RALYL: variants seen among roughly 807,000 people sequenced by gnomAD.
RALYL encodes RALY RNA binding protein like.
RALYL carries 29 observed loss-of-function variants against 35.1 expected under a neutral mutation model. That is an observed-to-expected ratio of 0.83 (90% confidence interval 0.61 to 1.13). The LOEUF is 1.13. RALYL is among the 50% of genes most tolerant of loss of function. The probability of loss-of-function intolerance (pLI) is 0.00; values close to 1 mark genes in which losing one functional copy is unlikely to be tolerated. For synonymous variants in RALYL, 120 were observed against 127.6 expected, an observed-to-expected ratio of 0.94 and a Z score of 0.40; for missense variants, 359 against 360.4, an observed-to-expected ratio of 1.00 and a Z score of 0.03.
intron 1 of RALYL, among the ~76,000 whole-genome samples, chr8:84,522,777 C>A (rs545521622): frequency 3.9e-5 from 6 of 152,210 alleles, no homozygotes; most frequent in African/African-American, 1.4e-4. Context: ...CTTTCTTAGT[C>A]ATTTTTGCCT....
intron 2 of RALYL, among the ~76,000 whole-genome samples, chr8:84,720,889 G>A (rs1038920324): frequency 4.6e-5 from 7 of 151,894 alleles, no homozygotes; most frequent in Admixed American, 4.6e-4. Context: ...TGAAAAAATT[G>A]TCAGCATCAC....
At chr8:84,448,274 C>T (rs568293304) in intron 1 of RALYL, among the ~76,000 whole-genome samples, 2 of 152,014 alleles carry the variant, frequency 1.3e-5, no homozygotes, top group East Asian at 3.9e-4. Flanking sequence ...GGTGTACAAG[C>T]ATGAATGAGT....
intron 4 of RALYL, among the ~76,000 whole-genome samples, chr8:84,809,518 C>CTTCT (rs1825427433): frequency 6.6e-6 from 1 of 152,080 alleles, no homozygotes; most frequent in African/African-American, 2.4e-5. Flanking sequence ...GGGAGGGTTT[C>CTTCT]TTCTTTCTCT....
At chr8:84,608,184 C>T (rs989826087) in intron 2 of RALYL, among the ~76,000 whole-genome samples, 7 of 152,110 alleles carry the variant, frequency 4.6e-5, no homozygotes, top group Non-Finnish European at 1.0e-4. Flanking sequence ...TTGCCTAGAG[C>T]ATCTCCTCCA....
At chr8:84,275,226 T>A (rs897341514) in intron 1 of RALYL, among the ~76,000 whole-genome samples, 3 of 152,172 alleles carry the variant, frequency 2.0e-5, no homozygotes, top group African/African-American at 7.2e-5. Context: ...AAACCTCTAA[T>A]GTTTTTGAAA....
At chr8:84,389,183 T>C (rs959333531) in intron 1 of RALYL, among the ~76,000 whole-genome samples, 2 of 152,156 alleles carry the variant, frequency 1.3e-5, no homozygotes, top group Non-Finnish European at 2.9e-5. Context: ...GAGGGCTCTG[T>C]TCTGTTCCAT....
At chr8:84,288,920 AAAG>A (rs1284573116) in intron 1 of RALYL, among the ~76,000 whole-genome samples, 2 of 152,180 alleles carry the variant, frequency 1.3e-5, no homozygotes, top group African/African-American at 4.8e-5. Context: ...GTTGAATGGC[AAAG>A]AAGATTTTAT....
At chr8:84,648,702 A>C (rs1828031619) in intron 2 of RALYL, among the ~76,000 whole-genome samples, 1 of 151,860 alleles carries the variant, frequency 6.6e-6, no homozygotes, top group Admixed American at 6.6e-5. Flanking sequence ...TTCTAATCAT[A>C]AAAAGGATGT....
intron 4 of RALYL, among the ~76,000 whole-genome samples, chr8:84,811,251 G>A (rs921622479): frequency 2.0e-5 from 3 of 151,932 alleles, no homozygotes; most frequent in Non-Finnish European, 1.5e-5. Flanking sequence ...TGAGAAAGAT[G>A]GTATGTTTCC....
At chr8:84,675,116 C>T (rs547067956) in intron 2 of RALYL, among the ~76,000 whole-genome samples, 9 of 152,166 alleles carry the variant, frequency 5.9e-5, no homozygotes, top group South Asian at 4.2e-4. Context: ...TAAGATTTAT[C>T]GTATTTCCAA....
chr8:84,752,269 G>C (rs948003861), intron 2 of RALYL, among the ~76,000 whole-genome samples: 1 of 152,150 alleles, frequency 6.6e-6, no homozygotes, highest in Non-Finnish European at 1.5e-5. Flanking sequence ...TAGGTTATCT[G>C]GCAGAAGAAA....
At chr8:84,456,150 G>C (rs556016917) in intron 1 of RALYL, among the ~76,000 whole-genome samples, 3 of 152,142 alleles carry the variant, frequency 2.0e-5, no homozygotes, top group African/African-American at 7.2e-5. Flanking sequence ...CAAGCATGTA[G>C]CTCTCTGAAA....
chr8:84,782,985 A>G (rs550616889), intron 3 of RALYL, among the ~76,000 whole-genome samples: 1 of 92,038 alleles, frequency 1.1e-5, no homozygotes, highest in East Asian at 2.3e-4. Flanking sequence ...CGTCCAACCT[A>G]TGATAAATTT....
intron 1 of RALYL, among the ~76,000 whole-genome samples, chr8:84,249,804 T>A (rs1829824365): frequency 6.6e-6 from 1 of 151,922 alleles, no homozygotes. Context: ...TGAAAAAAAT[T>A]ACCAGGGAGA....
chr8:84,322,768 A>T (rs1356883136), intron 1 of RALYL, among the ~76,000 whole-genome samples: 1 of 152,092 alleles, frequency 6.6e-6, no homozygotes, highest in Non-Finnish European at 1.5e-5. Context: ...ATTTCTCATC[A>T]GTCTCAAGCT....
chr8:84,591,567 A>G (rs1051557369), intron 2 of RALYL, among the ~76,000 whole-genome samples: 3 of 152,176 alleles, frequency 2.0e-5, no homozygotes, highest in African/African-American at 7.2e-5. Flanking sequence ...GAAAATATCT[A>G]TTATCCTGGG....
At chr8:84,435,777 C>T (rs1245191573) in intron 1 of RALYL, among the ~76,000 whole-genome samples, 1 of 152,106 alleles carries the variant, frequency 6.6e-6, no homozygotes, top group Non-Finnish European at 1.5e-5. Context: ...CTAGAATTGG[C>T]CTTTTCTTTC....
intron 2 of RALYL, among the ~76,000 whole-genome samples, chr8:84,685,947 T>G (rs1836678890): frequency 6.6e-6 from 1 of 152,114 alleles, no homozygotes; most frequent in African/African-American, 2.4e-5. Flanking sequence ...TAGGTGCAGA[T>G]AGGTGTGGCT....
intron 3 of RALYL, among the ~76,000 whole-genome samples, chr8:84,791,789 T>TAA (rs1054271905): frequency 1.5e-4 from 22 of 151,496 alleles, no homozygotes; most frequent in African/African-American, 4.6e-4. Flanking sequence ...TTTATTAACT[T>TAA]AAAAAAAAAC....
Sources: allele counts gnomAD v4.1 joint callset (sites outside exome capture counted in the v4.1 genomes callset), GRCh38; gene constraint gnomAD v4.1.1; transcripts MANE v1.5; gene names NCBI Gene and HGNC (gene_info 2026-07-23, HGNC 2026-07-21).